The following NBAS variants were observed in gnomAD, a reference collection of about 807,000 sequenced individuals.
The protein encoded by NBAS is NBAS subunit of NRZ tethering complex, also known as NAG/BC035112 fusion.
Under a neutral mutation model 302.5 loss-of-function variants are expected in NBAS, and 219 were observed. The ratio of observed to expected loss-of-function variants is 0.72; its 90% CI spans 0.65 to 0.81. The LOEUF (loss-of-function observed/expected upper bound fraction) is 0.81. Among genes scored for constraint, NBAS ranks in the 30% least tolerant of loss-of-function variants. The probability of loss-of-function intolerance (pLI) is 0.00; values close to 1 mark genes in which losing one functional copy is unlikely to be tolerated. For synonymous variants in NBAS, 1,118 were observed against 1,021.6 expected (o/e 1.09, Z -1.80); for missense variants, 2,932 against 2,841.6 (o/e 1.03, Z -0.72).
chr2:14,887,604 C>T, the NBAS span, among the ~76,000 whole-genome samples: 2 of 152,028 alleles, frequency 1.3e-5, no homozygotes, highest in African/African-American at 2.4e-5. Flanking sequence ...TCATTCCCAA[C>T]ACCTACTTGA....
At chr2:14,820,500 T>C in the NBAS span, among the ~76,000 whole-genome samples, 1 of 152,036 alleles carries the variant, frequency 6.6e-6, no homozygotes, top group East Asian at 1.9e-4. Context: ...AGTAGAAGGA[T>C]GGTAACCAGA....
the NBAS span, among the ~76,000 whole-genome samples, chr2:14,908,148 G>C: frequency 2.0e-5 from 3 of 152,208 alleles, no homozygotes; most frequent in Admixed American, 6.5e-5. Flanking sequence ...CGGATCACAA[G>C]GTCAGGAGAT....
chr2:15,401,880 T>C (rs543867623), intron 26 of NBAS, among the ~76,000 whole-genome samples: 1 of 152,298 alleles, frequency 6.6e-6, no homozygotes, highest in South Asian at 2.1e-4. Context: ...AAGTAGTTTT[T>C]GTGGAGATCG....
At chr2:15,390,529 CA>C (rs1180573270) in intron 28 of NBAS, among the ~76,000 whole-genome samples, 1 of 152,074 alleles carries the variant, frequency 6.6e-6, no homozygotes, top group Non-Finnish European at 1.5e-5. Context: ...TACTGTACAC[CA>C]TGAGAACTAT....
At chr2:15,173,587 T>C (rs1664396872) in intron 51 of NBAS, among the ~76,000 whole-genome samples, 1 of 152,202 alleles carries the variant, frequency 6.6e-6, no homozygotes. Flanking sequence ...TATTCTGTAT[T>C]TACTTGAATA....
At chr2:15,498,132 C>T (rs1435075659) in intron 11 of NBAS, among the ~76,000 whole-genome samples, 1 of 152,084 alleles carries the variant, frequency 6.6e-6, no homozygotes, top group Non-Finnish European at 1.5e-5. Flanking sequence ...TATACAGAAA[C>T]GGGAAGTAGC....
At chr2:15,436,656 C>A (rs745580519) in intron 21 of NBAS, among the ~76,000 whole-genome samples, 2 of 152,190 alleles carry the variant, frequency 1.3e-5, no homozygotes, top group East Asian at 1.9e-4. Context: ...TCAGTCAATG[C>A]GGTGTTCATT....
In NBAS at chr2:15,536,403, A is replaced by C. The variant is rs779830753; in HGVS notation, c.647+15T>G. On this transcript the variant is annotated intron_variant, in intron 8 of 51. Coordinates refer to ENST00000281513, the MANE Select transcript of NBAS (RefSeq NM_015909.4). ...AAACATTATTTCAAATATGGCTTCC[A>C]AAGCACATTTTTACCTTACAAGGTA... 1 of 1,612,338 alleles carries C rather than the reference A, an allele frequency of 6.2e-7. No individual in the cohort carries two copies. Among genetic ancestry groups the C allele is most frequent in the Non-Finnish European group, 8.5e-7 (1 of 1,179,652 alleles).
intron 38 of NBAS, among the ~76,000 whole-genome samples, chr2:15,323,669 T>C (rs551001449): frequency 1.3e-5 from 2 of 151,908 alleles, no homozygotes; most frequent in African/African-American, 4.8e-5. Flanking sequence ...TGTCTCTGCA[T>C]TAACAACAAC....
chr2:14,920,463 A>T, the NBAS span, among the ~76,000 whole-genome samples: 1 of 152,218 alleles, frequency 6.6e-6, no homozygotes, highest in East Asian at 1.9e-4. Flanking sequence ...ATCCTTTAAC[A>T]GGATAGTCTG....
chr2:15,321,793 A>T (rs1671819784), intron 38 of NBAS, among the ~76,000 whole-genome samples: 1 of 152,216 alleles, frequency 6.6e-6, no homozygotes, highest in African/African-American at 2.4e-5. Flanking sequence ...TGTTGGTAGG[A>T]GTGTAAATTA....
chr2:15,550,488 G>A (rs2148707929), intron 6 of NBAS, among the ~76,000 whole-genome samples: 1 of 152,214 alleles, frequency 6.6e-6, no homozygotes, highest in South Asian at 2.1e-4. Context: ...CACAAGATCA[G>A]ACAGATGGAA....
chr2:15,188,044 C>T (rs2125135096), intron 49 of NBAS, among the ~76,000 whole-genome samples: 1 of 152,338 alleles, frequency 6.6e-6, no homozygotes, highest in East Asian at 1.9e-4. Context: ...CTGGGTTTTT[C>T]TCTACAGTTT....
chr2:15,368,305 T>C (rs1674318176), intron 31 of NBAS, among the ~76,000 whole-genome samples: 1 of 150,654 alleles, frequency 6.6e-6, no homozygotes, highest in South Asian at 2.1e-4. Context: ...GTTCAAGCGA[T>C]TCTTCTGCCT....
chr2:14,851,099 T>C, the NBAS span, among the ~76,000 whole-genome samples: 1 of 126,514 alleles, frequency 7.9e-6, no homozygotes, highest in Non-Finnish European at 1.6e-5. Context: ...CTGAAGGAAA[T>C]AGAGACACAA....
intron 12 of NBAS, 139 bp downstream of exon 12, chr2:15,488,755 T>C (rs755785233): frequency 1.2e-4 from 137 of 1,113,608 alleles, no homozygotes; most frequent in Middle Eastern, 1.2e-3. Context: ...TGTACTGATA[T>C]CATAATTTAA....
At chr2:15,305,543 C>T (rs1454516924) in intron 40 of NBAS, among the ~76,000 whole-genome samples, 2 of 151,748 alleles carry the variant, frequency 1.3e-5, no homozygotes, top group African/African-American at 4.9e-5. Context: ...CCTCCGCCTC[C>T]CAGATTCAAG....
chr2:15,260,438 G>A (rs79300910), intron 44 of NBAS, among the ~76,000 whole-genome samples: 1,981 of 152,154 alleles, frequency 0.013, 37 homozygotes, highest in African/African-American at 0.044. Flanking sequence ...GCATTTCCTG[G>A]TTAATTCTAA....
chr2:14,787,307 T>C, the NBAS span, among the ~76,000 whole-genome samples: 1 of 152,192 alleles, frequency 6.6e-6, no homozygotes, highest in Non-Finnish European at 1.5e-5. Flanking sequence ...AATTGGAGCA[T>C]TTAGTCCATT....
Sources: gnomAD v4.1 joint callset for allele counts (sites outside exome capture counted in the v4.1 genomes callset) on GRCh38, gnomAD v4.1.1 for gene constraint, MANE v1.5 for transcripts, NCBI Gene and HGNC (gene_info 2026-07-23, HGNC 2026-07-21) for gene names.